The following CLRN2 variants were observed in gnomAD, a reference collection of about 807,000 sequenced individuals.
The protein encoded by CLRN2 is clarin-2.
CLRN2 carries 17 observed loss-of-function variants against 20.1 expected under a neutral mutation model. That is an observed-to-expected ratio of 0.85 (90% CI 0.58 to 1.27). The LOEUF is 1.27. Ranked by LOEUF, CLRN2 falls within the 50% of genes most tolerant of loss-of-function variation. The pLI is 0.00. For synonymous variants in CLRN2, 140 were observed against 126.9 expected (o/e 1.10, Z -0.70); for missense variants, 288 against 299.5 (o/e 0.96, Z 0.28).
At chr4:17,526,353 A>T (rs1441847251) in intron 2 of CLRN2, among the ~76,000 whole-genome samples, 1 of 152,204 alleles carries the variant, frequency 6.6e-6, no homozygotes, top group Non-Finnish European at 1.5e-5. Flanking sequence ...TGAGGTGAGG[A>T]GTTCGAGACC....
At chr4:17,515,887 G>A (rs573321844) in intron 1 of CLRN2, among the ~76,000 whole-genome samples, 1 of 152,256 alleles carries the variant, frequency 6.6e-6, no homozygotes, top group South Asian at 2.1e-4. Flanking sequence ...AATTGTTAAT[G>A]TTCCCATTTT....
At chr4:17,520,077 T>G (rs2109002146) in intron 1 of CLRN2, among the ~76,000 whole-genome samples, 1 of 152,256 alleles carries the variant, frequency 6.6e-6, no homozygotes, top group South Asian at 2.1e-4. Context: ...TCCTGAGCCC[T>G]GTGTTATGGC....
chr4:17,521,097 A>G lies in CLRN2; in HGVS notation c.254-1767A>G, dbSNP rs141896492. On this transcript the variant is annotated intron_variant, in intron 1 of 2. Coordinates refer to ENST00000511148, the MANE Select transcript of CLRN2 (RefSeq NM_001079827.2). ...GGGCTGAGAGTTTGAAAAGAGAAAA[A>G]AAAAATCTAAGGGACATTAAGATGG... is the stretch of plus-strand genomic sequence containing the variant. Among the ~76,000 whole-genome samples, 776 of 152,322 alleles carry G rather than the reference A, an allele frequency of 5.1e-3. 3 individuals are homozygous for G. The highest frequency in any genetic ancestry group is 0.017 in the African/African-American group (723 of 41,568).
chr4:17,518,391 G>T (rs771153456), intron 1 of CLRN2, among the ~76,000 whole-genome samples: 2 of 152,196 alleles, frequency 1.3e-5, no homozygotes, highest in Non-Finnish European at 2.9e-5. Flanking sequence ...ACATTCAATT[G>T]TACTATGGAG....
At chr4:17,520,826 G>A (rs772631970) in intron 1 of CLRN2, among the ~76,000 whole-genome samples, 2 of 152,102 alleles carry the variant, frequency 1.3e-5, no homozygotes, top group Non-Finnish European at 2.9e-5. Flanking sequence ...AGACCAGCCT[G>A]GTCAACATGG....
intron 1 of CLRN2, among the ~76,000 whole-genome samples, chr4:17,521,986 G>A (rs1178989222): frequency 6.6e-6 from 1 of 152,130 alleles, no homozygotes; most frequent in Non-Finnish European, 1.5e-5. Flanking sequence ...CTTGAAGGAC[G>A]GGCTCTTTCA....
At chr4:17,524,203 G>GGTGTGTGTGTGT in intron 2 of CLRN2, among the ~76,000 whole-genome samples, 1 of 37,396 alleles carries the variant, frequency 2.7e-5, no homozygotes, top group African/African-American at 9.7e-5. Flanking sequence ...AAAACTACAA[G>GGTGTGTGTGTGT]ATGTGTGTGT....
At chr4:17,525,520 T>C (rs1711951578) in intron 2 of CLRN2, among the ~76,000 whole-genome samples, 1 of 151,958 alleles carries the variant, frequency 6.6e-6, no homozygotes, top group Admixed American at 6.6e-5. Flanking sequence ...CATGGTGGCA[T>C]GCACCCATGA....
In CLRN2 at chr4:17,526,884, A is replaced by C. The variant is rs541134869; in HGVS notation, c.501A>C (p.Arg167=). 6.2e-7 allele frequency: 1 copy of C among 1,614,034 alleles called. No homozygotes were observed. Among genetic ancestry groups the C allele is most frequent in the African/African-American group, 1.3e-5 (1 of 75,056 alleles). ...TGAAATTTCACGACCTGACGGAACG[A>C]ATCGCCAACTTTCAGGAGAAGCTCT... ...AAVKFHDLTE[R]IANFQEKLFQ... is the part of the protein sequence containing the mutation. Residue 167 remains arginine, a synonymous_variant, in exon 3 of 3, where the codon CGA becomes CGC. Coordinates refer to ENST00000511148, the MANE Select transcript of CLRN2 (RefSeq NM_001079827.2).
Position 17,515,453 on chromosome 4 carries a change from T to A in CLRN2, c.187T>A (p.Tyr63Asn). 1 of 1,613,958 alleles carries A rather than the reference T, an allele frequency of 6.2e-7. No individual in the cohort carries two copies. Among genetic ancestry groups the A allele is most frequent in the Non-Finnish European group, 8.5e-7 (1 of 1,179,870 alleles). The stretch of plus-strand genomic sequence containing the variant: ...GGTCAAGTTCATTGGGGACATTTAC[T>A]ACGGGCTCTTCCGAGGGTGTAAAGT... ...ELVKFIGDIY[Y>N]GLFRGCKVRQ... The change falls in exon 1 of 3, where the codon TAC (tyrosine) becomes AAC (asparagine). Residue 63 changes from tyrosine to asparagine, a missense_variant. Coordinates refer to ENST00000511148, the MANE Select transcript of CLRN2 (RefSeq NM_001079827.2).
chr4:17,524,846 A>T (rs1206964185), intron 2 of CLRN2, among the ~76,000 whole-genome samples: 1 of 152,044 alleles, frequency 6.6e-6, no homozygotes, highest in African/African-American at 2.4e-5. Flanking sequence ...AGGGAGGCTG[A>T]GGTGGGAGGA....
chr4:17,517,952 A>G (rs2109001574), intron 1 of CLRN2, among the ~76,000 whole-genome samples: 1 of 152,144 alleles, frequency 6.6e-6, no homozygotes, highest in East Asian at 1.9e-4. Context: ...ACAGCTTTTA[A>G]TTCTAGCACA....
intron 2 of CLRN2, among the ~76,000 whole-genome samples, chr4:17,524,756 TAA>T (rs34927520): frequency 1.4e-5 from 2 of 142,854 alleles, no homozygotes; most frequent in African/African-American, 2.6e-5. Context: ...ACCCCATTTC[TAA>T]AAAAAAAAAA....
At chr4:17,523,947 G>C (rs1396408383) in intron 2 of CLRN2, among the ~76,000 whole-genome samples, 2 of 151,490 alleles carry the variant, frequency 1.3e-5, no homozygotes, top group African/African-American at 4.9e-5. Context: ...CAACCACTAA[G>C]GGCTGGGCAG....
chr4:17,515,424 A>G lies in CLRN2; in HGVS notation c.158A>G (p.Glu53Gly). Residue 53 changes from glutamate to glycine, a missense_variant, in exon 1 of 3, where the codon GAG becomes GGG. Transcript: ENST00000511148. Reference protein sequence around the residue: ...GVDLVNATDRELVKFIGDIYY... With the variant: ...GVDLVNATDRGLVKFIGDIYY... The stretch of plus-strand genomic sequence containing the variant: ...GATCTGGTCAACGCCACAGACAGAG[A>G]GCTGGTCAAGTTCATTGGGGACATT... The G allele has an allele frequency of 1.9e-6, 3 of 1,613,852 alleles. No homozygotes were observed. Among genetic ancestry groups the G allele is most frequent in the Non-Finnish European group, 2.5e-6 (3 of 1,179,870 alleles).
chr4:17,524,968 C>G (rs1450572612), intron 2 of CLRN2, among the ~76,000 whole-genome samples: 1 of 151,956 alleles, frequency 6.6e-6, no homozygotes, highest in African/African-American at 2.4e-5. Context: ...TAAAAACAGG[C>G]AAAGCTTTAT....
At chr4:17,515,876 G>A (rs1711657145) in intron 1 of CLRN2, among the ~76,000 whole-genome samples, 1 of 152,148 alleles carries the variant, frequency 6.6e-6, no homozygotes, top group African/African-American at 2.4e-5. Context: ...TATACAGAAG[G>A]AATTGTTAAT....
At chr4:17,523,213 C>CTT (rs113987711) in intron 2 of CLRN2, among the ~76,000 whole-genome samples, 170 bp downstream of exon 2, 2 of 141,336 alleles carry the variant, frequency 1.4e-5, no homozygotes, top group Non-Finnish European at 3.1e-5. Flanking sequence ...TTTTCTTTTT[C>CTT]TTTTTTTTTT....
intron 2 of CLRN2, among the ~76,000 whole-genome samples, 191 bp from the exon 3 acceptor site, chr4:17,526,626 C>T (rs917529236): frequency 8.5e-5 from 13 of 152,294 alleles, no homozygotes; most frequent in African/African-American, 2.2e-4. Flanking sequence ...TCCTCTCTTT[C>T]CCCGCACAAT....
Sources: gnomAD v4.1 joint callset for allele counts (sites outside exome capture counted in the v4.1 genomes callset) on GRCh38, gnomAD v4.1.1 for gene constraint, MANE v1.5 for transcripts, NCBI Gene and HGNC (gene_info 2026-07-23, HGNC 2026-07-21) for gene names.